The following SIPA1L3 variants were observed in gnomAD, a reference collection of about 807,000 sequenced individuals.
SIPA1L3 encodes signal-induced proliferation-associated 1-like protein 3.
In SIPA1L3, 59 loss-of-function variants were observed where a neutral mutation model predicts 150.1. The ratio of observed to expected loss-of-function variants is 0.39; its 90% CI spans 0.32 to 0.49. The LOEUF (loss-of-function observed/expected upper bound fraction) is 0.49, where lower values mean the gene tolerates loss of function less well. Ranked by LOEUF, SIPA1L3 falls within the 20% of genes least tolerant of loss-of-function variation. The pLI, the probability that SIPA1L3 is intolerant of heterozygous loss-of-function variation, is 0.86. For missense variants in SIPA1L3, 2,211 were observed against 2,489.5 expected (o/e 0.89, Z 2.38); for synonymous variants, 1,070 against 1,077.6 (o/e 0.99, Z 0.14).
chr19:38,078,077 G>A (rs772785151), intron 2 of SIPA1L3, among the ~76,000 whole-genome samples: 8 of 152,280 alleles, frequency 5.3e-5, no homozygotes, highest in Non-Finnish European at 1.0e-4. Flanking sequence ...AGCCTTGATT[G>A]TCAGAAGATG....
chr19:37,929,846 T>C (rs1051862765), intron 1 of SIPA1L3, among the ~76,000 whole-genome samples: 1 of 152,040 alleles, frequency 6.6e-6, no homozygotes, highest in African/African-American at 2.4e-5. Context: ...TATGTCTGTA[T>C]CTATGTATGT....
chr19:37,926,113 T>G (rs1039185961), intron 1 of SIPA1L3, among the ~76,000 whole-genome samples: 2 of 151,666 alleles, frequency 1.3e-5, no homozygotes, highest in East Asian at 3.8e-4. Context: ...GGTTGAATAT[T>G]GGCAATTTTA....
chr19:38,011,402 G>A (rs762392734), intron 1 of SIPA1L3, among the ~76,000 whole-genome samples: 2 of 152,180 alleles, frequency 1.3e-5, no homozygotes, highest in African/African-American at 4.8e-5. Context: ...CTTGAGCCCC[G>A]GAGGTCCAGG....
At chr19:38,092,313 C>A (rs1970277652) in intron 4 of SIPA1L3, among the ~76,000 whole-genome samples, 1 of 151,888 alleles carries the variant, frequency 6.6e-6, no homozygotes, top group South Asian at 2.1e-4. Flanking sequence ...ACATGTAATA[C>A]CTATGGAACA....
intron 16 of SIPA1L3, among the ~76,000 whole-genome samples, chr19:38,183,890 A>C (rs1048264270): frequency 2.0e-5 from 3 of 151,876 alleles, no homozygotes; most frequent in Non-Finnish European, 2.9e-5. Context: ...GAGACTGAGA[A>C]CCGACTATAT....
At chr19:38,028,497 T>C (rs1331299900) in intron 1 of SIPA1L3, among the ~76,000 whole-genome samples, 1 of 152,138 alleles carries the variant, frequency 6.6e-6, no homozygotes, top group Non-Finnish European at 1.5e-5. Context: ...GCTCTCCGTT[T>C]AAGGTCACAG....
At chr19:38,124,695 A>G (rs1600104135) in intron 9 of SIPA1L3, among the ~76,000 whole-genome samples, 1 of 152,254 alleles carries the variant, frequency 6.6e-6, no homozygotes, top group South Asian at 2.1e-4. Context: ...ACGCCACTGC[A>G]CTCCAGCCTG....
rs1599913192 is a variant in SIPA1L3 at position 38,020,004 on chromosome 19, G to A, written c.-378-9085G>A. On this transcript the variant is annotated intron_variant, in intron 1 of 21. Coordinates refer to ENST00000222345, the MANE Select transcript of SIPA1L3 (RefSeq NM_015073.3). ...GCTACTCAGGAGGCTGAGACGAGAG[G>A]ATCAACTGAGCCCAGGAGTTCAAGA... is the stretch of plus-strand genomic sequence containing the variant. Among the ~76,000 whole-genome samples the A allele has an allele frequency of 2.0e-5, 3 of 152,064 alleles. No individual in the cohort carries two copies. In the East Asian group the frequency reaches 5.8e-4, roughly 29 times the overall value.
intron 1 of SIPA1L3, among the ~76,000 whole-genome samples, chr19:37,936,388 A>G (rs963989914): frequency 6.6e-6 from 1 of 152,164 alleles, no homozygotes; most frequent in African/African-American, 2.4e-5. Context: ...TGTTTAGTAA[A>G]TTCCTGGCAT....
intron 1 of SIPA1L3, among the ~76,000 whole-genome samples, chr19:38,013,216 C>T (rs1968147999): frequency 6.6e-6 from 1 of 152,156 alleles, no homozygotes; most frequent in African/African-American, 2.4e-5. Context: ...TCTGCCTACC[C>T]AAGGGCTGTA....
intron 1 of SIPA1L3, among the ~76,000 whole-genome samples, chr19:37,947,694 C>T (rs1349073165): frequency 2.0e-5 from 3 of 152,124 alleles, no homozygotes; most frequent in Admixed American, 6.6e-5. Flanking sequence ...GCAAGAAAAC[C>T]GAAGCACAAA....
rs752902086 is a variant in SIPA1L3 at position 38,082,012 on chromosome 19, G to A, written c.447G>A (p.Val149=). 5 of 1,614,194 alleles carry A rather than the reference G, an allele frequency of 3.1e-6. No homozygotes were observed. The South Asian group carries it at 4.4e-5, about 14-fold the overall frequency. The change falls in exon 3 of 22, where the codon GTG becomes GTA. Residue 149 remains valine, a synonymous_variant. Coordinates refer to ENST00000222345, the MANE Select transcript of SIPA1L3 (RefSeq NM_015073.3). Reference sequence around the variant, plus strand: ...TCTCCAGGAGAAGGTCCAAAGACGTGGAGTTCCAGGACGGGTGGCCCCGGT... The same window carrying A: ...TCTCCAGGAGAAGGTCCAAAGACGTAGAGTTCCAGGACGGGTGGCCCCGGT... ...HRLSRRRSKD[V]EFQDGWPRSP...
chr19:38,095,790 G>C (rs529051938), intron 4 of SIPA1L3, among the ~76,000 whole-genome samples: 3 of 152,256 alleles, frequency 2.0e-5, no homozygotes, highest in Admixed American at 2.0e-4. Flanking sequence ...CAAGTAGTGC[G>C]CGCCGATGAG....
chr19:38,021,655 C>T (rs141940640), intron 1 of SIPA1L3, among the ~76,000 whole-genome samples: 1,521 of 152,090 alleles, frequency 0.01, 23 homozygotes, highest in African/African-American at 0.034. Flanking sequence ...GATCTTCCTG[C>T]CTCAGCCTCC....
intron 10 of SIPA1L3, among the ~76,000 whole-genome samples, chr19:38,138,051 A>G (rs940992699): frequency 6.6e-6 from 1 of 152,064 alleles, no homozygotes; most frequent in Non-Finnish European, 1.5e-5. Context: ...GAATTGCTTG[A>G]ACCCAATAGG....
At chr19:38,002,650 C>T (rs138842647) in intron 1 of SIPA1L3, among the ~76,000 whole-genome samples, 183 of 123,326 alleles carry the variant, frequency 1.5e-3, no homozygotes, top group Admixed American at 5.9e-3. Context: ...ACCTGGGAGG[C>T]GGAGGTTGCA....
At chr19:38,167,231 C>CAAA (rs370193698) in intron 15 of SIPA1L3, among the ~76,000 whole-genome samples, 2 of 87,530 alleles carry the variant, frequency 2.3e-5, no homozygotes, top group South Asian at 4.4e-4. Context: ...GATTCCATCT[C>CAAA]AAAAAAAAAA....
intron 8 of SIPA1L3, among the ~76,000 whole-genome samples, chr19:38,115,857 T>C (rs1224882313): frequency 1.3e-5 from 2 of 152,156 alleles, no homozygotes; most frequent in Non-Finnish European, 2.9e-5. Context: ...GTATGTCCCT[T>C]CTCCTGGACT....
chr19:37,993,810 T>G (rs1967570455), intron 1 of SIPA1L3, among the ~76,000 whole-genome samples: 2 of 152,242 alleles, frequency 1.3e-5, no homozygotes, highest in South Asian at 4.1e-4. Flanking sequence ...ACCAGATTGT[T>G]CAAGGTGCCG....
Sources: gnomAD v4.1 joint callset for allele counts (sites outside exome capture counted in the v4.1 genomes callset) on GRCh38, gnomAD v4.1.1 for gene constraint, MANE v1.5 for transcripts, NCBI Gene and HGNC (gene_info 2026-07-23, HGNC 2026-07-21) for gene names.